Variants in GOLT1A observed in about 807,000 individuals in gnomAD.
GOLT1A encodes golgi transport 1A, also known as vesicle transport protein GOT1A.
GOLT1A carries 10 observed loss-of-function variants against 16.1 expected under a neutral mutation model. The observed-to-expected ratio is 0.62, with a 90% CI of 0.38 to 1.05. The LOEUF (loss-of-function observed/expected upper bound fraction) is 1.05. Ranked by LOEUF, GOLT1A falls within the 50% of genes least tolerant of loss-of-function variation. The probability of loss-of-function intolerance (pLI) is 0.01; values close to 1 mark genes in which losing one functional copy is unlikely to be tolerated. For synonymous variants in GOLT1A, 60 were observed against 67.9 expected, an observed-to-expected ratio of 0.88 and a Z score of 0.57; for missense variants, 137 against 165.7, an observed-to-expected ratio of 0.83 and a Z score of 0.95.
At chr1:204,209,164 C>T (rs544743595) in intron 1 of GOLT1A, among the ~76,000 whole-genome samples, 5 of 152,328 alleles carry the variant, frequency 3.3e-5, no homozygotes, top group East Asian at 3.9e-4. Flanking sequence ...TGTTTCCTCA[C>T]GACTAGCTTC....
intron 1 of GOLT1A, among the ~76,000 whole-genome samples, chr1:204,209,150 C>T (rs1233593574): frequency 2.0e-5 from 3 of 152,164 alleles, no homozygotes; most frequent in East Asian, 1.9e-4. Context: ...TTGGGTTTGT[C>T]GGATGTTTCC....
At chr1:204,201,576 C>T (rs1658961708) in intron 3 of GOLT1A, 57 bp downstream of exon 3, 3 of 1,562,346 alleles carry the variant, frequency 1.9e-6, no homozygotes, top group Admixed American at 1.7e-5. Context: ...CTGGGGTGAT[C>T]TCAGCCACTC....
chr1:204,199,417 C>T (rs1658916540), intron 3 of GOLT1A, among the ~76,000 whole-genome samples, 159 bp from the exon 4 acceptor site: 1 of 152,046 alleles, frequency 6.6e-6, no homozygotes, highest in African/African-American at 2.4e-5. Context: ...AGTCGAGTGA[C>T]ATGATTAAGA....
At chr1:204,211,170 T>C (rs1659131772) in intron 1 of GOLT1A, among the ~76,000 whole-genome samples, 2 of 152,164 alleles carry the variant, frequency 1.3e-5, no homozygotes, top group African/African-American at 2.4e-5. Context: ...CTCCCAGTCC[T>C]TCTCCACACG....
chr1:204,203,089 G>C, intron 1 of GOLT1A, 102 bp from the exon 2 acceptor site: 10 of 784,390 alleles, frequency 1.3e-5, no homozygotes, highest in Non-Finnish European at 2.0e-5. Context: ...CTATGGGGGT[G>C]ACTCCACTTC....
chr1:204,205,376 G>A (rs968663746), intron 1 of GOLT1A, among the ~76,000 whole-genome samples: 1 of 152,138 alleles, frequency 6.6e-6, no homozygotes, highest in Non-Finnish European at 1.5e-5. Flanking sequence ...TCTTTTGCAT[G>A]TGGATATCCA....
rs1571670343 is a variant in GOLT1A at position 204,198,394 on chromosome 1, G to A, written c.*64C>T. The A allele has an allele frequency of 2.1e-6, 3 of 1,448,808 alleles. No homozygotes were observed. The highest frequency in any genetic ancestry group is 1.9e-6 in the Non-Finnish European group (2 of 1,031,336). 89.7% of individuals were successfully genotyped at this position (1,448,808 alleles called of 1,614,324 possible). Reference sequence around the variant, plus strand: ...GTCAGTGCAGGGGACTGAGGGGGTGGTTCCCATTCTCCCTCTAGCCCCCTC... The same window carrying A: ...GTCAGTGCAGGGGACTGAGGGGGTGATTCCCATTCTCCCTCTAGCCCCCTC... On this transcript the variant is annotated 3_prime_UTR_variant, in exon 5 of 5. Transcript: ENST00000308302.
chr1:204,213,645 C>T (rs1363913860), intron 1 of GOLT1A, among the ~76,000 whole-genome samples: 2 of 152,184 alleles, frequency 1.3e-5, no homozygotes, highest in African/African-American at 4.8e-5. Context: ...GGGAACCTGC[C>T]AGGCCCCCTG....
At chr1:204,206,161 C>A (rs541687797) in intron 1 of GOLT1A, among the ~76,000 whole-genome samples, 1 of 152,330 alleles carries the variant, frequency 6.6e-6, no homozygotes, top group South Asian at 2.1e-4. Flanking sequence ...TGGTATCATG[C>A]CAGTCTTACT....
intron 1 of GOLT1A, among the ~76,000 whole-genome samples, chr1:204,209,191 G>A (rs1041909301): frequency 6.6e-6 from 1 of 152,188 alleles, no homozygotes; most frequent in African/African-American, 2.4e-5. Context: ...TGCATCTTAG[G>A]CAGAAATAGC....
chr1:204,205,144 G>A lies in GOLT1A; in HGVS notation c.26-2157C>T, dbSNP rs189354168. Among the ~76,000 whole-genome samples the A allele has an allele frequency of 3.5e-4, 53 of 152,184 alleles. 1 individual carries two copies. Among genetic ancestry groups the A allele is most frequent in the Admixed American group, 1.3e-4 (2 of 15,304 alleles). ...GTCTGTTGACTGTGTCCTTTGATGC[G>A]GTGAAGTTTTAAATTTTGATGTAGT... On this transcript the variant is annotated intron_variant, in intron 1 of 4. Transcript: ENST00000308302.
intron 2 of GOLT1A, among the ~76,000 whole-genome samples, chr1:204,202,214 G>C (rs567460378): frequency 2.6e-5 from 4 of 151,682 alleles, no homozygotes; most frequent in African/African-American, 9.7e-5. Flanking sequence ...ACCTTCAGAG[G>C]CTCCACTGCC....
intron 4 of GOLT1A, chr1:204,198,922 T>C (rs1261287358): frequency 1.9e-6 from 1 of 515,178 alleles, no homozygotes; most frequent in Non-Finnish European, 3.5e-6. Context: ...TTCATTTCTT[T>C]GGCTGTAAAC....
At position 204,201,724 on chromosome 1, in the gene GOLT1A, TG is replaced by T. The variant is rs1427686078; in HGVS notation, c.204del (p.Ser69AlafsTer69). 1.9e-6 allele frequency: 3 copies of T among 1,614,194 alleles called. No homozygotes were observed. The highest frequency in any genetic ancestry group is 1.6e-4 in the Middle Eastern group (1 of 6,062). Reference sequence around the variant, plus strand: ...ATAACCACACCCCCCAGGAGGAAGCTGGTTCCCTTGAGTTTGTGCCGTTGGA... The same window carrying T: ...ATAACCACACCCCCCAGGAGGAAGCTGTTCCCTTGAGTTTGTGCCGTTGGA... ...FFFQRHKLKG[T>X]SFLLGGVVIV... On this transcript the variant is annotated frameshift_variant, in exon 3 of 5. Coordinates refer to ENST00000308302, the MANE Select transcript of GOLT1A (RefSeq NM_198447.2). LOFTEE classifies it high-confidence loss of function.
At chr1:204,199,582 C>A (rs755250298) in intron 3 of GOLT1A, among the ~76,000 whole-genome samples, 1 of 152,198 alleles carries the variant, frequency 6.6e-6, no homozygotes, top group East Asian at 1.9e-4. Context: ...CATAAGGCCA[C>A]GTACAAAGAA....
At chr1:204,201,832 C>A (rs1658968347) in intron 2 of GOLT1A, 21 bp from the exon 3 acceptor site, 1 of 1,610,566 alleles carries the variant, frequency 6.2e-7, no homozygotes, top group African/African-American at 1.3e-5. Context: ...GGGAGGGGAG[C>A]ATGAAGCAAA....
At chr1:204,208,576 A>G (rs940943086) in intron 1 of GOLT1A, among the ~76,000 whole-genome samples, 1 of 148,880 alleles carries the variant, frequency 6.7e-6, no homozygotes, top group African/African-American at 2.5e-5. Context: ...GGAATTGGAG[A>G]TCATTATTCT....
At chr1:204,208,399 CATATATGT>C (rs1659079861) in intron 1 of GOLT1A, among the ~76,000 whole-genome samples, 1 of 72,216 alleles carries the variant, frequency 1.4e-5, no homozygotes, top group Non-Finnish European at 3.7e-5. Flanking sequence ...CATATGTATA[CATATATGT>C]ATATATGTAT....
chr1:204,210,693 C>T (rs1452866434), intron 1 of GOLT1A, among the ~76,000 whole-genome samples: 2 of 152,156 alleles, frequency 1.3e-5, no homozygotes, highest in Non-Finnish European at 2.9e-5. Flanking sequence ...TCCCAAAGTG[C>T]TGAGATTACA....
Sources: allele counts gnomAD v4.1 joint callset (sites outside exome capture counted in the v4.1 genomes callset), GRCh38; gene constraint gnomAD v4.1.1; transcripts MANE v1.5; gene names NCBI Gene and HGNC (gene_info 2026-07-23, HGNC 2026-07-21).